The following NEK11 variants were observed in gnomAD, a reference collection of about 807,000 sequenced individuals.
The protein encoded by NEK11 is NIMA related kinase 11, also known as serine/threonine-protein kinase Nek11.
Under a neutral mutation model 80.7 loss-of-function variants are expected in NEK11, and 72 were observed. The observed-to-expected ratio is 0.89, with a 90% CI of 0.74 to 1.08. The LOEUF (loss-of-function observed/expected upper bound fraction) is 1.08, where lower values mean the gene tolerates loss of function less well. Ranked by LOEUF, NEK11 falls within the 50% of genes least tolerant of loss-of-function variation. NEK11 has a pLI of 0.00. For missense variants in NEK11, 764 were observed against 763.6 expected (o/e 1.00, Z -0.01); for synonymous variants, 251 against 260.7 (o/e 0.96, Z 0.36).
chr3:131,231,432 T>G (rs2095328664), intron 15 of NEK11, among the ~76,000 whole-genome samples: 1 of 147,496 alleles, frequency 6.8e-6, no homozygotes, highest in Non-Finnish European at 1.5e-5. Flanking sequence ...AGAATGGACT[T>G]GGCATAAGGG....
intron 4 of NEK11, among the ~76,000 whole-genome samples, chr3:131,091,768 A>T (rs1316517522): frequency 2.6e-5 from 4 of 152,198 alleles, no homozygotes; most frequent in Admixed American, 6.5e-5. Flanking sequence ...AAATAAATTA[A>T]ATTTACCAAA....
rs183731608 is a variant in NEK11 at position 131,136,131 on chromosome 3, G to T, written c.647+2175G>T. On this transcript the variant is annotated intron_variant, in intron 7 of 17. Coordinates refer to ENST00000383366, the MANE Select transcript of NEK11 (RefSeq NM_024800.5). ...TTTAATGTGTTTCTCTGAGCATTAG[G>T]TTAGCTCTCCTTGCAGAGATTAACT... 7.4e-3 allele frequency among the ~76,000 whole-genome samples: 1,121 copies of T among 151,990 alleles called. 11 individuals are homozygous for T. Among genetic ancestry groups the T allele is most frequent in the Non-Finnish European group, 0.01 (690 of 67,954 alleles).
At chr3:131,200,463 A>G (rs572812862) in intron 14 of NEK11, among the ~76,000 whole-genome samples, 5 of 152,340 alleles carry the variant, frequency 3.3e-5, no homozygotes, top group Admixed American at 3.3e-4. Context: ...CTATGACTCA[A>G]TAATTTTACT....
intron 5 of NEK11, among the ~76,000 whole-genome samples, chr3:131,110,871 C>T (rs1004037539): frequency 6.6e-6 from 1 of 152,124 alleles, no homozygotes. Flanking sequence ...ATACAGATAG[C>T]TACTGATTTA....
At chr3:131,076,627 T>G (rs2074403308) in intron 3 of NEK11, among the ~76,000 whole-genome samples, 1 of 152,216 alleles carries the variant, frequency 6.6e-6, no homozygotes. Flanking sequence ...TTGTCTAAGT[T>G]GAAATTAAAA....
intron 17 of NEK11, among the ~76,000 whole-genome samples, chr3:131,303,727 C>T (rs1361449326): frequency 6.6e-6 from 1 of 152,130 alleles, no homozygotes; most frequent in African/African-American, 2.4e-5. Flanking sequence ...CTGCCATTAG[C>T]CTGATGGGGT....
intron 17 of NEK11, among the ~76,000 whole-genome samples, chr3:131,342,333 G>A (rs187476925): frequency 4.9e-4 from 75 of 152,286 alleles, no homozygotes; most frequent in Non-Finnish European, 7.4e-4. Flanking sequence ...TTGAAATGAC[G>A]ATATTAAAGG....
chr3:131,342,131 T>C (rs542221429), intron 17 of NEK11, among the ~76,000 whole-genome samples: 1 of 152,204 alleles, frequency 6.6e-6, no homozygotes, highest in Non-Finnish European at 1.5e-5. Context: ...ACGTGCTCTA[T>C]CTGGGCACGC....
chr3:131,253,796 T>C (rs2095754283), intron 16 of NEK11, among the ~76,000 whole-genome samples: 1 of 152,170 alleles, frequency 6.6e-6, no homozygotes, highest in Admixed American at 6.6e-5. Flanking sequence ...AATGAAACCA[T>C]AATGCATGTG....
At chr3:131,209,217 T>A (rs1275686331) in intron 14 of NEK11, among the ~76,000 whole-genome samples, 2 of 151,836 alleles carry the variant, frequency 1.3e-5, no homozygotes, top group African/African-American at 4.8e-5. Context: ...CATCCGTTGA[T>A]GCAGAAAAGA....
chr3:131,099,456 T>G (rs1057243074), intron 4 of NEK11, among the ~76,000 whole-genome samples: 1 of 152,230 alleles, frequency 6.6e-6, no homozygotes, highest in African/African-American at 2.4e-5. Context: ...TCAGGCTCTT[T>G]TTTGGTTCCA....
chr3:131,045,803 A>G (rs1365027242), intron 3 of NEK11, among the ~76,000 whole-genome samples: 1 of 152,084 alleles, frequency 6.6e-6, no homozygotes, highest in Non-Finnish European at 1.5e-5. Context: ...GGGTGCATGT[A>G]TGTTTAGGAT....
At chr3:131,288,056 TCTTCTAAATCTTAC>T (rs1210094852) in intron 17 of NEK11, among the ~76,000 whole-genome samples, 1 of 152,204 alleles carries the variant, frequency 6.6e-6, no homozygotes, top group Non-Finnish European at 1.5e-5. Context: ...TTTCTCCCCA[TCTTCTAAATCTTAC>T]TACTGAATCC....
At chr3:131,077,491 A>G (rs16835721) in intron 3 of NEK11, among the ~76,000 whole-genome samples, 2,508 of 152,298 alleles carry the variant, frequency 0.016, 68 homozygotes, top group African/African-American at 0.056. Flanking sequence ...TTTATCATCA[A>G]GGTGCCAGAC....
intron 1 of NEK11, chr3:131,027,228 C>G (rs2064000949): frequency 6.6e-6 from 1 of 152,068 alleles, no homozygotes; most frequent in South Asian, 2.1e-4. Context: ...GGTGAAGAAG[C>G]AAGGAATTGT....
intron 14 of NEK11, among the ~76,000 whole-genome samples, chr3:131,198,784 T>C (rs1350670889): frequency 6.6e-6 from 1 of 152,246 alleles, no homozygotes; most frequent in Non-Finnish European, 1.5e-5. Context: ...TAGGGCCTTC[T>C]TTAGAGCCTG....
intron 17 of NEK11, among the ~76,000 whole-genome samples, chr3:131,321,464 C>T (rs2096896301): frequency 6.6e-6 from 1 of 152,044 alleles, no homozygotes; most frequent in Non-Finnish European, 1.5e-5. Context: ...TGAATAAGTT[C>T]TCAAAAGCAA....
intron 14 of NEK11, among the ~76,000 whole-genome samples, chr3:131,183,058 T>A (rs1245992856): frequency 6.6e-6 from 1 of 152,218 alleles, no homozygotes; most frequent in East Asian, 1.9e-4. Flanking sequence ...AGATTATACA[T>A]TTTGAACAGG....
chr3:131,227,751 C>T (rs564982635), intron 14 of NEK11, among the ~76,000 whole-genome samples: 2 of 152,152 alleles, frequency 1.3e-5, no homozygotes, highest in Non-Finnish European at 2.9e-5. Flanking sequence ...ATTTCTAGCC[C>T]CCCATTAGTA....
Sources: allele counts gnomAD v4.1 joint callset (sites outside exome capture counted in the v4.1 genomes callset), GRCh38; gene constraint gnomAD v4.1.1; transcripts MANE v1.5; gene names NCBI Gene and HGNC (gene_info 2026-07-23, HGNC 2026-07-21).